The following AOPEP variants were observed in gnomAD, a reference collection of about 807,000 sequenced individuals.
AOPEP encodes aminopeptidase O (putative), also known as aminopeptidase O.
AOPEP carries 77 observed loss-of-function variants against 98.1 expected under a neutral mutation model. The observed-to-expected ratio is 0.78, with a 90% confidence interval of 0.65 to 0.95. The LOEUF is 0.95. Among genes scored for constraint, AOPEP ranks in the 40% least tolerant of loss-of-function variants. The pLI is 0.00. For synonymous variants in AOPEP, 346 were observed against 365.3 expected, an observed-to-expected ratio of 0.95 and a Z score of 0.60; for missense variants, 1,024 against 1,024.7, an observed-to-expected ratio of 1.00 and a Z score of 0.01.
chr9:95,127,502 C>A, the AOPEP span: 1 of 152,310 alleles, frequency 6.6e-6, no homozygotes, highest in African/African-American at 2.4e-5. Flanking sequence ...CAGGATGGGG[C>A]TCTGGTTCCG....
the AOPEP span, among the ~76,000 whole-genome samples, chr9:95,120,127 T>C: frequency 2.4e-4 from 37 of 152,382 alleles, no homozygotes; most frequent in East Asian, 5.6e-3. Flanking sequence ...ATGCTCTCTC[T>C]AGGGGCTTTA....
chr9:94,832,829 A>T (rs1856285102), intron 5 of AOPEP, among the ~76,000 whole-genome samples: 1 of 150,284 alleles, frequency 6.7e-6, no homozygotes, highest in African/African-American at 2.5e-5. Flanking sequence ...ATGATAAAAA[A>T]ATTTTAAGTG....
At chr9:94,978,207 C>A (rs1431961375) in intron 10 of AOPEP, among the ~76,000 whole-genome samples, 1 of 152,038 alleles carries the variant, frequency 6.6e-6, no homozygotes, top group East Asian at 1.9e-4. Flanking sequence ...TTCTAGAATT[C>A]CAAAAGGGAG....
At chr9:94,764,558 G>A (rs1039815141) in intron 2 of AOPEP, among the ~76,000 whole-genome samples, 1 of 152,172 alleles carries the variant, frequency 6.6e-6, no homozygotes, top group Non-Finnish European at 1.5e-5. Context: ...TGAGGTGGGA[G>A]GATCACTTGA....
intron 1 of AOPEP, among the ~76,000 whole-genome samples, chr9:94,739,592 C>T (rs920783564): frequency 1.5e-4 from 22 of 149,402 alleles, no homozygotes; most frequent in Non-Finnish European, 2.9e-4. Flanking sequence ...TGCAGTGAGC[C>T]GAGATCGTGC....
At chr9:94,835,174 C>G (rs1362912481) in intron 5 of AOPEP, among the ~76,000 whole-genome samples, 2 of 152,138 alleles carry the variant, frequency 1.3e-5, no homozygotes, top group Non-Finnish European at 1.5e-5. Flanking sequence ...CCCTTCCCCC[C>G]ATTAGTGCAT....
At chr9:95,094,666 T>G in the AOPEP span, among the ~76,000 whole-genome samples, 1 of 152,210 alleles carries the variant, frequency 6.6e-6, no homozygotes, top group Non-Finnish European at 1.5e-5. Flanking sequence ...GATCTCTGCC[T>G]CTTTTTTCTT....
intron 5 of AOPEP, among the ~76,000 whole-genome samples, chr9:94,920,845 C>T (rs1284328159): frequency 6.6e-6 from 1 of 152,136 alleles, no homozygotes; most frequent in Admixed American, 6.5e-5. Context: ...TACGCTTGGC[C>T]TCTGTGGAGG....
At chr9:95,141,990 T>TG in the AOPEP span, among the ~76,000 whole-genome samples, 5 of 137,210 alleles carry the variant, frequency 3.6e-5, no homozygotes, top group Admixed American at 2.2e-4. Flanking sequence ...GTGGGGTTTT[T>TG]TTTTTTTTTT....
chr9:95,026,216 C>A (rs540906877), intron 13 of AOPEP, among the ~76,000 whole-genome samples: 1 of 152,114 alleles, frequency 6.6e-6, no homozygotes, highest in Non-Finnish European at 1.5e-5. Context: ...AACTTTAAGG[C>A]GTAATTTACG....
At chr9:94,870,527 C>T (rs967621648) in intron 5 of AOPEP, among the ~76,000 whole-genome samples, 5 of 152,040 alleles carry the variant, frequency 3.3e-5, no homozygotes, top group African/African-American at 1.2e-4. Flanking sequence ...CCTCAAGGTC[C>T]CAGATTTGGT....
intron 5 of AOPEP, among the ~76,000 whole-genome samples, chr9:94,828,107 T>C (rs1327839989): frequency 6.6e-6 from 1 of 152,144 alleles, no homozygotes; most frequent in African/African-American, 2.4e-5. Context: ...AATATTTTTA[T>C]AGGAGGCGTG....
At chr9:95,056,846 T>A (rs1180049054) in intron 13 of AOPEP, among the ~76,000 whole-genome samples, 1 of 152,216 alleles carries the variant, frequency 6.6e-6, no homozygotes, top group Non-Finnish European at 1.5e-5. Context: ...ACTGACCTCG[T>A]TTAGCATTTT....
chr9:94,853,457 C>T (rs1254073800), intron 5 of AOPEP, among the ~76,000 whole-genome samples: 1 of 151,462 alleles, frequency 6.6e-6, no homozygotes, highest in Admixed American at 6.6e-5. Flanking sequence ...GAGACTCCAT[C>T]TCAAAAAAAA....
chr9:95,089,644 CT>C (rs2070839093), downstream of AOPEP, among the ~76,000 whole-genome samples: 2 of 152,236 alleles, frequency 1.3e-5, no homozygotes, highest in South Asian at 2.1e-4. Flanking sequence ...AGAGGCCCCC[CT>C]GGGCCTTCAC....
chr9:94,985,118 CTG>C (rs2060436145), intron 11 of AOPEP, among the ~76,000 whole-genome samples: 1 of 152,240 alleles, frequency 6.6e-6, no homozygotes, highest in Non-Finnish European at 1.5e-5. Context: ...CCGCCAGTTC[CTG>C]GCAAAATCAT....
chr9:94,765,439 A>AAATAGTAATAATAAT (rs1554706557), intron 2 of AOPEP, among the ~76,000 whole-genome samples: 3 of 123,820 alleles, frequency 2.4e-5, no homozygotes, highest in Non-Finnish European at 3.3e-5. Flanking sequence ...TTCTCTACAA[A>AAATAGTAATAATAAT]AATAATAATA....
chr9:95,149,565 G>A, the AOPEP span, among the ~76,000 whole-genome samples: 6 of 151,022 alleles, frequency 4.0e-5, no homozygotes, highest in East Asian at 1.9e-4. Flanking sequence ...TGCAATCTCC[G>A]CCTCCCAGGT....
At chr9:94,961,586 T>C (rs2404295) in intron 9 of AOPEP, among the ~76,000 whole-genome samples, 40,250 of 152,186 alleles carry the variant, frequency 0.26, 8,781 homozygotes, top group African/African-American at 0.6. Context: ...ATTAGTGCTC[T>C]TGTACTGGTC....
Sources: allele counts gnomAD v4.1 joint callset (sites outside exome capture counted in the v4.1 genomes callset), GRCh38; gene constraint gnomAD v4.1.1; transcripts MANE v1.5; gene names NCBI Gene and HGNC (gene_info 2026-07-23, HGNC 2026-07-21).